GRIA3: variants seen among roughly 807,000 people sequenced by gnomAD.
The protein encoded by GRIA3 is glutamate ionotropic receptor AMPA type subunit 3.
A neutral mutation model predicts 63.0 loss-of-function variants in GRIA3; 3 were observed. That is an observed-to-expected ratio of 0.05 (90% CI 0.02 to 0.12). The LOEUF (loss-of-function observed/expected upper bound fraction) is 0.12. GRIA3 is among the 10% of genes least tolerant of loss of function. The probability of loss-of-function intolerance (pLI) is 1.00; values close to 1 mark genes in which losing one functional copy is unlikely to be tolerated. For synonymous variants in GRIA3, 274 were observed against 257.9 expected (o/e 1.06, Z -0.60); for missense variants, 347 against 700.9 (o/e 0.50, Z 5.70).
At chrX:123,231,417 A>T (rs779825968) in intron 2 of GRIA3, among the ~76,000 whole-genome samples, 1 of 111,544 alleles carries the variant, frequency 9.0e-6, no homozygotes, top group Non-Finnish European at 1.9e-5. Flanking sequence ...CTATTTATTC[A>T]TGAATCTGGT....
rs1194521418 is a variant in GRIA3, at chrX:123,314,409, A to G, written c.509-11617A>G. On this transcript the variant is annotated intron_variant, in intron 3 of 15. Coordinates refer to ENST00000620443, the MANE Select transcript of GRIA3 (RefSeq NM_007325.5). ...CCAAACAGAAACATGAAGGAACTACACACAATCATTGTAGCATCCCCTTCA... is the reference window on the plus strand; with the variant it reads ...CCAAACAGAAACATGAAGGAACTACGCACAATCATTGTAGCATCCCCTTCA... Among the ~76,000 whole-genome samples the G allele has an allele frequency of 4.5e-5, 5 of 112,193 alleles. No individual in the cohort carries two copies. The East Asian group carries it at 1.4e-3, about 31-fold the overall frequency.
intron 11 of GRIA3, among the ~76,000 whole-genome samples, chrX:123,420,875 T>C (rs758726655): frequency 2.7e-5 from 3 of 111,393 alleles, no homozygotes; most frequent in Non-Finnish European, 5.7e-5. Context: ...TATTTTATTA[T>C]ACTAAACTAG....
At chrX:123,471,833 A>G (rs1342850766) in intron 13 of GRIA3, among the ~76,000 whole-genome samples, 1 of 105,064 alleles carries the variant, frequency 9.5e-6, no homozygotes, top group Non-Finnish European at 2.0e-5. Context: ...GACTTTCTAG[A>G]GAGCGGTATA....
At chrX:123,319,503 TTC>T (rs1018966230) in intron 3 of GRIA3, among the ~76,000 whole-genome samples, 17 of 111,627 alleles carry the variant, frequency 1.5e-4, no homozygotes, top group African/African-American at 5.5e-4. Context: ...TTTTTGTACT[TTC>T]TGTGTTTTTC....
chrX:123,187,342 C>T (rs954433339), intron 2 of GRIA3, among the ~76,000 whole-genome samples: 6 of 112,114 alleles, frequency 5.4e-5, no homozygotes, highest in Admixed American at 1.9e-4. Context: ...AGATACAGAT[C>T]CTTATATGAA....
Position 123,480,057 on chromosome X carries a change from G to A in GRIA3, c.2325-6G>A, listed in dbSNP as rs757143442. ...TAATGTTATTTATGTTATTTCCCAC[G>A]TGAAGAACGCCTGTAAACCTTGCAG... On this transcript the variant is annotated splice_polypyrimidine_tract_variant and splice_region_variant and intron_variant, in intron 13 of 15. Transcript: ENST00000620443. 7 of 1,092,379 alleles carry A rather than the reference G, an allele frequency of 6.4e-6. No individual in the cohort carries two copies. Among genetic ancestry groups the A allele is most frequent in the Non-Finnish European group, 8.9e-6 (7 of 787,267 alleles). The allele number at this position is 1,092,379 out of a possible 1,213,427, so 90.0% of individuals were successfully genotyped here. A position where few individuals can be genotyped will look rare whatever the true frequency, so the allele number is the denominator to read the frequency against.
chrX:123,463,453 T>C (rs1375208089), intron 12 of GRIA3, among the ~76,000 whole-genome samples: 1 of 103,863 alleles, frequency 9.6e-6, no homozygotes, highest in Non-Finnish European at 2.0e-5. Context: ...AGGAGGCTGA[T>C]GCAGGAGGAT....
chrX:123,354,257 C>T (rs1015275104), intron 4 of GRIA3, among the ~76,000 whole-genome samples: 1 of 111,003 alleles, frequency 9.0e-6, no homozygotes, highest in African/African-American at 3.3e-5. Context: ...TAGTAGCACC[C>T]TTCCCAGTTG....
intron 5 of GRIA3, among the ~76,000 whole-genome samples, chrX:123,367,933 G>A (rs1056625713): frequency 8.9e-6 from 1 of 112,226 alleles, no homozygotes; most frequent in African/African-American, 3.2e-5. Context: ...CGTTTATCAT[G>A]TATTTAAACT....
chrX:123,465,863 G>A, intron 13 of GRIA3: 1 of 748,797 alleles, frequency 1.3e-6, no homozygotes, highest in South Asian at 2.1e-5. Flanking sequence ...TATTATTGAG[G>A]AGAGAGCACA....
chrX:123,194,529 C>G (rs893105692), intron 2 of GRIA3, among the ~76,000 whole-genome samples: 1 of 111,845 alleles, frequency 8.9e-6, no homozygotes, highest in African/African-American at 3.3e-5. Flanking sequence ...GTTAAACATT[C>G]TCAAATATCC....
intron 2 of GRIA3, among the ~76,000 whole-genome samples, chrX:123,245,501 C>T (rs1381729633): frequency 2.7e-5 from 3 of 111,303 alleles, no homozygotes; most frequent in Non-Finnish European, 5.7e-5. Flanking sequence ...GAAAAGAGGG[C>T]CAGGGACAAA....
In GRIA3 at chrX:123,463,732, AGAGAG is replaced by A. The variant is rs1569440968; in HGVS notation, c.2077-1132_2077-1128del. On this transcript the variant is annotated intron_variant, in intron 12 of 15. Transcript: ENST00000620443. ...AGAAAGAAAGAAAGAAAGAGAAAGA[AGAGAG>A]AGAAAGAAAGAAAAAGAGAGAAAGA... is the stretch of plus-strand genomic sequence containing the variant. 6.8e-5 allele frequency among the ~76,000 whole-genome samples: 7 copies of A among 103,434 alleles called. 1 individual carries two copies. The highest frequency in any genetic ancestry group is 2.4e-4 in the African/African-American group (6 of 25,518). The allele number at this position is 103,434 out of a possible 115,157, so 89.8% of individuals were successfully genotyped here. A position where few individuals can be genotyped will look rare whatever the true frequency, so the allele number is the denominator to read the frequency against.
At chrX:123,354,781 T>G in intron 4 of GRIA3, 129 bp from the exon 5 acceptor site, 1 of 552,300 alleles carries the variant, frequency 1.8e-6, no homozygotes, top group Non-Finnish European at 3.3e-6. Context: ...CAACAAGAAA[T>G]CTGATCCAAT....
At chrX:123,447,213 T>C (rs2045707011) in intron 12 of GRIA3, among the ~76,000 whole-genome samples, 1 of 111,118 alleles carries the variant, frequency 9.0e-6, no homozygotes, top group African/African-American at 3.3e-5. Flanking sequence ...TGAAATCCCA[T>C]CTCTACTACA....
At chrX:123,245,843 T>C (rs1453263362) in intron 2 of GRIA3, among the ~76,000 whole-genome samples, 1 of 111,792 alleles carries the variant, frequency 8.9e-6, no homozygotes, top group African/African-American at 3.3e-5. Context: ...GTTAGAATGA[T>C]AGTTGATGGA....
intron 2 of GRIA3, among the ~76,000 whole-genome samples, chrX:123,245,813 T>C (rs1343686351): frequency 9.0e-6 from 1 of 111,629 alleles, no homozygotes; most frequent in Admixed American, 9.5e-5. Flanking sequence ...TATCCCATCA[T>C]TAGTAATAGT....
At chrX:123,340,070 G>C (rs2044999346) in intron 4 of GRIA3, among the ~76,000 whole-genome samples, 1 of 111,865 alleles carries the variant, frequency 8.9e-6, no homozygotes. Flanking sequence ...TTTTACTCCA[G>C]TGCTCACACT....
intron 5 of GRIA3, among the ~76,000 whole-genome samples, chrX:123,357,357 C>T (rs1165580928): frequency 4.6e-5 from 5 of 109,300 alleles, no homozygotes; most frequent in Admixed American, 2.0e-4. Context: ...CTACCATGAC[C>T]GATGATCTGT....
Sources: allele counts gnomAD v4.1 joint callset (sites outside exome capture counted in the v4.1 genomes callset), GRCh38; gene constraint gnomAD v4.1.1; transcripts MANE v1.5; gene names NCBI Gene and HGNC (gene_info 2026-07-23, HGNC 2026-07-21).